FSTL4: variants seen among roughly 807,000 people sequenced by gnomAD.
The protein encoded by FSTL4 is follistatin like 4.
FSTL4 carries 28 observed loss-of-function variants against 78.2 expected under a neutral mutation model. The ratio of observed to expected loss-of-function variants is 0.36; its 90% CI spans 0.27 to 0.49. The LOEUF is 0.49. Ranked by LOEUF, FSTL4 falls within the 20% of genes least tolerant of loss-of-function variation. The pLI is 0.98. For missense variants in FSTL4, 922 were observed against 1,084.9 expected (o/e 0.85, Z 2.11); for synonymous variants, 422 against 440.5 (o/e 0.96, Z 0.53).
chr5:133,488,048 C>G (rs1011306759), intron 3 of FSTL4, among the ~76,000 whole-genome samples: 1 of 152,144 alleles, frequency 6.6e-6, no homozygotes, highest in African/African-American at 2.4e-5. Context: ...ACTACTAATA[C>G]AAAGATAGTG....
At chr5:133,431,276 G>A (rs1272597100) in intron 3 of FSTL4, among the ~76,000 whole-genome samples, 1 of 152,228 alleles carries the variant, frequency 6.6e-6, no homozygotes, top group Non-Finnish European at 1.5e-5. Context: ...ATTCTCTGAT[G>A]CTCCTTCCTC....
intron 3 of FSTL4, among the ~76,000 whole-genome samples, chr5:133,441,387 G>A (rs1481019363): frequency 1.3e-5 from 2 of 152,218 alleles, no homozygotes; most frequent in African/African-American, 4.8e-5. Flanking sequence ...GGGAGACAGA[G>A]AGTTGCAAAA....
At chr5:133,561,717 T>C (rs1441319120) in intron 3 of FSTL4, among the ~76,000 whole-genome samples, 2 of 152,178 alleles carry the variant, frequency 1.3e-5, no homozygotes, top group Admixed American at 6.5e-5. Flanking sequence ...AACTCAGAAT[T>C]GGGACTGATG....
the FSTL4 span, among the ~76,000 whole-genome samples, chr5:133,753,624 T>C: frequency 0.073 from 11,017 of 151,900 alleles, 548 homozygotes; most frequent in African/African-American, 0.13. Context: ...CAATAACTAT[T>C]TGACCCTGCC....
At chr5:133,664,555 G>A in the FSTL4 span, among the ~76,000 whole-genome samples, 1 of 152,166 alleles carries the variant, frequency 6.6e-6, no homozygotes, top group Admixed American at 6.5e-5. Flanking sequence ...CAAGAAGCCA[G>A]CCTGGCTGCC....
the FSTL4 span, among the ~76,000 whole-genome samples, chr5:133,819,359 A>G: frequency 4.6e-4 from 70 of 152,116 alleles, no homozygotes; most frequent in Middle Eastern, 0.014. Flanking sequence ...CGGACCACCA[A>G]GCCTCTGTCT....
Position 133,338,501 on chromosome 5 carries a change from C to G in FSTL4, c.410-21849G>C, listed in dbSNP as rs1172230367. ...GGGACGTGGAGTGGCATAAGCTATA[C>G]AGAAACTTCCCTCTGCTCCCCCATG... On this transcript the variant is annotated intron_variant, in intron 4 of 15. Transcript: ENST00000265342. The surrounding 1 kb of genome is among the most constrained non-coding windows in gnomAD (Gnocchi z 4.0). Among the ~76,000 whole-genome samples the G allele has an allele frequency of 6.6e-6, 1 of 152,134 alleles. No homozygotes were observed. The highest frequency in any genetic ancestry group is 2.4e-5 in the African/African-American group (1 of 41,406).
At chr5:133,455,996 G>A (rs543382751) in intron 3 of FSTL4, among the ~76,000 whole-genome samples, 246 of 152,326 alleles carry the variant, frequency 1.6e-3, no homozygotes, top group African/African-American at 4.8e-3. Context: ...CCCAGCTCTC[G>A]TAGTGTCTTG....
At position 133,611,165 on chromosome 5, in the gene FSTL4, G is replaced by A. The variant is rs1287000925; in HGVS notation, c.-11+1160C>T. 4.6e-5 allele frequency among the ~76,000 whole-genome samples: 7 copies of A among 151,956 alleles called. No individual in the cohort carries two copies. The East Asian group carries it at 9.7e-4, about 21-fold the overall frequency. On this transcript the variant is annotated intron_variant, in intron 1 of 15. Transcript: ENST00000265342. This position sits in a 1 kb window ranked among gnomAD's most constrained non-coding sequence, Gnocchi z 4.9. ...CGGCGGCCCGCGGCCGCGAGCGAGG[G>A]CTGCTGGACAGCGCCCCGGCACCCG... is the stretch of plus-strand genomic sequence containing the variant.
At position 133,500,440 on chromosome 5, in the gene FSTL4, C is replaced by T. The variant is rs138427548; in HGVS notation, c.160+66746G>A. On this transcript the variant is annotated intron_variant, in intron 3 of 15. Coordinates refer to ENST00000265342, the MANE Select transcript of FSTL4 (RefSeq NM_015082.2). ...GGTTCAATTCCTTCCTCAGAAGGAA[C>T]GCCTCATCATCCTTTCTTCACAGAA... 2.4e-3 allele frequency among the ~76,000 whole-genome samples: 362 copies of T among 152,144 alleles called. 2 individuals are homozygous for T. The highest frequency in any genetic ancestry group is 0.01 in the Middle Eastern group (3 of 294).
intron 3 of FSTL4, among the ~76,000 whole-genome samples, chr5:133,503,102 G>A (rs921468581): frequency 3.3e-5 from 5 of 152,166 alleles, no homozygotes; most frequent in Non-Finnish European, 7.3e-5. Flanking sequence ...TTGCTTACTC[G>A]CTCATTAGCA....
chr5:133,218,029 C>G (rs186003436), intron 12 of FSTL4, among the ~76,000 whole-genome samples: 2 of 152,274 alleles, frequency 1.3e-5, no homozygotes, highest in East Asian at 3.9e-4. Context: ...CCAATTCATA[C>G]CTTTAGCCCA....
chr5:133,297,863 G>A (rs879925909), intron 6 of FSTL4, among the ~76,000 whole-genome samples: 4 of 152,212 alleles, frequency 2.6e-5, no homozygotes, highest in African/African-American at 9.7e-5. Flanking sequence ...GGGACAGGAT[G>A]CCAGGTGGGG....
chr5:133,405,089 A>G (rs1343741708), intron 3 of FSTL4, among the ~76,000 whole-genome samples: 1 of 152,096 alleles, frequency 6.6e-6, no homozygotes, highest in Non-Finnish European at 1.5e-5. Flanking sequence ...GTCTCTCCTG[A>G]CCAGGCCTTG....
intron 6 of FSTL4, among the ~76,000 whole-genome samples, chr5:133,299,813 G>A (rs1033599932): frequency 3.3e-5 from 5 of 152,190 alleles, no homozygotes; most frequent in Admixed American, 3.3e-4. Flanking sequence ...GGGCTGGGGA[G>A]GGTGAGACCC....
intron 3 of FSTL4, among the ~76,000 whole-genome samples, chr5:133,494,830 T>C (rs1758338631): frequency 6.6e-6 from 1 of 152,276 alleles, no homozygotes; most frequent in African/African-American, 2.4e-5. Flanking sequence ...CACATCCCTC[T>C]GGCACACAGA....
the FSTL4 span, among the ~76,000 whole-genome samples, chr5:133,766,384 G>A: frequency 5.3e-5 from 8 of 152,182 alleles, no homozygotes; most frequent in Admixed American, 3.9e-4. Context: ...CTATCTGACC[G>A]TTTACAGAAA....
At chr5:133,677,499 AG>A in the FSTL4 span, among the ~76,000 whole-genome samples, 5 of 152,250 alleles carry the variant, frequency 3.3e-5, no homozygotes, top group Non-Finnish European at 7.3e-5. Context: ...CATTAAGTTA[AG>A]AAGCAAAGTC....
chr5:133,461,379 G>T (rs756190922), intron 3 of FSTL4, among the ~76,000 whole-genome samples: 6 of 152,134 alleles, frequency 3.9e-5, no homozygotes, highest in Non-Finnish European at 5.9e-5. Context: ...TCTTGCAAGG[G>T]ACTTAATTAC....
Sources: gnomAD v4.1 joint callset for allele counts (sites outside exome capture counted in the v4.1 genomes callset) on GRCh38, gnomAD v4.1.1 for gene constraint, Gnocchi (gnomAD v3.1) non-coding constraint, MANE v1.5 for transcripts, NCBI Gene and HGNC (gene_info 2026-07-23, HGNC 2026-07-21) for gene names.